PNPLA7: variants seen among roughly 807,000 people sequenced by gnomAD.
The protein encoded by PNPLA7 is patatin-like phospholipase domain-containing protein 7.
PNPLA7 carries 153 observed loss-of-function variants against 161.7 expected under a neutral mutation model. That is an observed-to-expected ratio of 0.95 (90% CI 0.83 to 1.08). The LOEUF is 1.08. Ranked by LOEUF, PNPLA7 falls within the 50% of genes least tolerant of loss-of-function variation. The probability of loss-of-function intolerance (pLI) is 0.00; values close to 1 mark genes in which losing one functional copy is unlikely to be tolerated. For missense variants in PNPLA7, 1,739 were observed against 1,856.6 expected (o/e 0.94, Z 1.16); for synonymous variants, 809 against 782.1 (o/e 1.03, Z -0.57).
Position 137,497,298 on chromosome 9 carries a change from C to T in PNPLA7, c.1902G>A (p.Lys634=). ...AGRAIYRQGD[K]SDCTYIMLSG... ...TGAGCATGATGTACGTGCAGTCGGA[C>T]TTGTCCCCCTGCCTGCGGAAGACAC... Residue 634 remains lysine, a synonymous_variant, in exon 18 of 35, where the codon AAG becomes AAA. Transcript: ENST00000406427. 6.4e-7 allele frequency: 1 copy of T among 1,571,742 alleles called. No homozygotes were observed. Among genetic ancestry groups the T allele is most frequent in the Non-Finnish European group, 8.6e-7 (1 of 1,159,428 alleles).
In PNPLA7 at chr9:137,500,758, G is replaced by A. The variant is rs776617458; in HGVS notation, c.1690C>T (p.Leu564Phe). ...CTGTTGGCCTTGACGGTGAAGATGA[G>A]AGGCTCCCCGGTGAGCACGGCCAGC... ...GQLAVLTGEP[L>F]IFTVKANRDC... Residue 564 changes from leucine (L) to phenylalanine (F), a missense_variant, in exon 16 of 35, where the codon CTC (leucine) becomes TTC (phenylalanine). Coordinates refer to ENST00000406427, the MANE Select transcript of PNPLA7 (RefSeq NM_001098537.3). The surrounding 1 kb of genome is among the most constrained non-coding windows in gnomAD (Gnocchi z 5.5). The A allele has an allele frequency of 4.3e-6, 7 of 1,612,288 alleles. No individual in the cohort carries two copies. The African/African-American group carries it at 9.3e-5, about 22-fold the overall frequency.
Position 137,524,324 on chromosome 9 carries a change from C to T in PNPLA7, c.748-1467G>A, listed in dbSNP as rs1588679809. Among the ~76,000 whole-genome samples the T allele has an allele frequency of 6.6e-6, 1 of 151,926 alleles. No individual in the cohort carries two copies. The highest frequency in any genetic ancestry group is 1.5e-5 in the Non-Finnish European group (1 of 67,924). On this transcript the variant is annotated intron_variant, in intron 8 of 34. Coordinates refer to ENST00000406427, the MANE Select transcript of PNPLA7 (RefSeq NM_001098537.3). The surrounding 1 kb of genome is among the most constrained non-coding windows in gnomAD (Gnocchi z 4.4). ...TCTCGTGGAGGCCTCGCAGGGTCTCCGTCCATTCAGCAGTCGAGATTCCCC... is the reference window on the plus strand; with the variant it reads ...TCTCGTGGAGGCCTCGCAGGGTCTCTGTCCATTCAGCAGTCGAGATTCCCC...
intron 8 of PNPLA7, among the ~76,000 whole-genome samples, chr9:137,534,241 A>G (rs1159531237): frequency 7.1e-6 from 1 of 140,192 alleles, no homozygotes; most frequent in Non-Finnish European, 1.5e-5. Context: ...AACACTGTCC[A>G]CTCCAGGCGG....
At position 137,461,586 on chromosome 9, in the gene PNPLA7, A is replaced by G; in HGVS notation, c.3791T>C (p.Leu1264Pro). 1 of 1,612,822 alleles carries G rather than the reference A, an allele frequency of 6.2e-7. No individual in the cohort carries two copies. The highest frequency in any genetic ancestry group is 2.2e-5 in the East Asian group (1 of 44,856). Residue 1264 changes from leucine (L) to proline (P), a missense_variant, in exon 33 of 35, where the codon CTT becomes CCT. Physicochemically the swap from Leu to Pro is moderately conservative, Grantham distance 98 (BLOSUM62 -3). Around this residue, in one of 6 missense-constraint regions of PNPLA7, gnomAD observed 703 missense variants for 694.6 expected, o/e 1.01. Transcript: ENST00000406427. ...CTCAATGCGAGACACAATTTCGGCA[A>G]GGTCCGTGAAGGAGGCGTTGGGACA... Reference protein sequence around the residue: ...LTCPNASFTDLAEIVSRIEPA... With the variant: ...LTCPNASFTDPAEIVSRIEPA...
rs763439872 is a variant in PNPLA7 at position 137,497,266 on chromosome 9, C to T, written c.1934G>A (p.Arg645Gln). The change falls in exon 18 of 35, where the codon CGG (arginine) becomes CAG (glutamine). Residue 645 changes from arginine (R) to glutamine (Q), a missense_variant. Physicochemically the swap from Arg to Gln is conservative, Grantham distance 43 (BLOSUM62 1). Transcript: ENST00000406427. ...SDCTYIMLSGRLRSVIRKDDG... is the reference protein window; with the variant it reads ...SDCTYIMLSGQLRSVIRKDDG... ...ATCCTTCCGGATCACAGAGCGCAGC[C>T]GGCCGCTGAGCATGATGTACGTGCA... The T allele has an allele frequency of 7.6e-6, 12 of 1,588,838 alleles. No homozygotes were observed. Among genetic ancestry groups the T allele is most frequent in the Non-Finnish European group, 1.0e-5 (12 of 1,168,400 alleles).
chr9:137,484,473 C>G (rs11999929), intron 21 of PNPLA7, 114 bp downstream of exon 21: 10 of 1,235,990 alleles, frequency 8.1e-6, no homozygotes, highest in Non-Finnish European at 1.1e-5. Flanking sequence ...CTGACCCCAA[C>G]TGAGCCCTGC....
intron 14 of PNPLA7, among the ~76,000 whole-genome samples, chr9:137,503,624 AGGAGGAG>A (rs1454112902): frequency 2.3e-5 from 3 of 131,084 alleles, no homozygotes; most frequent in African/African-American, 8.6e-5. Context: ...AGGAGGGAGA[AGGAGGAG>A]GGAGAAGGAG....
intron 25 of PNPLA7, among the ~76,000 whole-genome samples, chr9:137,477,164 C>A (rs1170804959): frequency 6.6e-6 from 1 of 152,260 alleles, no homozygotes; most frequent in Non-Finnish European, 1.5e-5. Flanking sequence ...CTGCCCCTTA[C>A]GCACCTGGCT....
Position 137,467,558 on chromosome 9 carries a change from C to T in PNPLA7, c.2883-85G>A. 1 of 1,506,302 alleles carries T rather than the reference C, an allele frequency of 6.6e-7. No individual in the cohort carries two copies. The highest frequency in any genetic ancestry group is 9.0e-7 in the Non-Finnish European group (1 of 1,111,730). The allele number at this position is 1,506,302 out of a possible 1,614,324, so 93.3% of individuals were successfully genotyped here. On this transcript the variant is annotated intron_variant, in intron 25 of 34. Coordinates refer to ENST00000406427, the MANE Select transcript of PNPLA7 (RefSeq NM_001098537.3). The surrounding 1 kb of genome is among the most constrained non-coding windows in gnomAD (Gnocchi z 5.1). ...GAGGCCTTGTGCTCATCCTCAGTTC[C>T]CAACTCCTCCACAGGCAGAGACGCT...
intron 8 of PNPLA7, among the ~76,000 whole-genome samples, chr9:137,528,093 A>G (rs1315032210): frequency 6.6e-6 from 1 of 151,802 alleles, no homozygotes; most frequent in African/African-American, 2.4e-5. Flanking sequence ...AGACATGTGC[A>G]CTCTTTCATG....
chr9:137,543,756 C>T lies in PNPLA7; in HGVS notation c.333G>A (p.Arg111=). The part of the protein sequence containing the change: ...ENTALPRQRA[R]KRTKVLSLAK... The stretch of plus-strand genomic sequence containing the variant: ...CCAAAGACAGCACCTTGGTCCTCTT[C>T]CTGGCCCGCTGCCGGGGCAGGGCAG... Residue 111 remains arginine (R), a synonymous_variant, in exon 5 of 35, where the codon AGG becomes AGA. Transcript: ENST00000406427. This position sits in a 1 kb window ranked among gnomAD's most constrained non-coding sequence, Gnocchi z 6.9. 1.2e-6 allele frequency: 2 copies of T among 1,614,134 alleles called. No homozygotes were observed. The highest frequency in any genetic ancestry group is 1.7e-5 in the Admixed American group (1 of 60,028).
chr9:137,516,819 A>G (rs907433952), intron 11 of PNPLA7, among the ~76,000 whole-genome samples: 5 of 150,662 alleles, frequency 3.3e-5, no homozygotes, highest in African/African-American at 9.8e-5. Context: ...CCCTGTCTCA[A>G]TAGTAATAAT....
At position 137,503,499 on chromosome 9, in the gene PNPLA7, GGGAAGGAGAAGGAGGAGGA is replaced by G. The variant is rs1368540600; in HGVS notation, c.1474-1791_1474-1773del. On this transcript the variant is annotated intron_variant, in intron 14 of 34. Transcript: ENST00000406427. ...AGGAGGGGGAAGGAGAAGGAGGAGG[GGGAAGGAGAAGGAGGAGGA>G]GGAAGGAGAAGGAGGAGGGGGAAGG... 8.7e-3 allele frequency among the ~76,000 whole-genome samples: 741 copies of G among 84,894 alleles called. 12 individuals are homozygous for G. The highest frequency in any genetic ancestry group is 0.018 in the Middle Eastern group (2 of 112). 55.7% of individuals were successfully genotyped at this position (84,894 alleles called of 152,430 possible).
chr9:137,467,596 G>A lies in PNPLA7; in HGVS notation c.2883-123C>T, dbSNP rs1207747624. 2.3e-6 allele frequency: 3 copies of A among 1,282,660 alleles called. No homozygotes were observed. The Admixed American group carries it at 7.4e-5, about 32-fold the overall frequency. 79.5% of individuals were successfully genotyped at this position (1,282,660 alleles called of 1,614,324 possible). A position where few individuals can be genotyped will look rare whatever the true frequency, so the allele number is the denominator to read the frequency against. ...AGGCAGAGACGCTGACGCAGAGAGG[G>A]ACTCCAGATGCAGTTTAAAACCCCT... On this transcript the variant is annotated intron_variant, in intron 25 of 34. Coordinates refer to ENST00000406427, the MANE Select transcript of PNPLA7 (RefSeq NM_001098537.3). This position sits in a 1 kb window ranked among gnomAD's most constrained non-coding sequence, Gnocchi z 5.1.
chr9:137,461,094 G>A (rs754048585), intron 33 of PNPLA7: 35 of 345,048 alleles, frequency 1.0e-4, no homozygotes, highest in African/African-American at 2.5e-4. Flanking sequence ...CCATGAAGAC[G>A]TCTCCCAGGA....
chr9:137,494,374 C>T (rs1458652926), intron 19 of PNPLA7, among the ~76,000 whole-genome samples: 1 of 152,150 alleles, frequency 6.6e-6, no homozygotes, highest in African/African-American at 2.4e-5. Context: ...TGGGAAGCAG[C>T]CTGGGCGCCT....
chr9:137,505,730 G>T lies in PNPLA7; in HGVS notation c.1357C>A (p.Pro453Thr), dbSNP rs1024741032. 2 of 1,613,976 alleles carry T rather than the reference G, an allele frequency of 1.2e-6. No individual in the cohort carries two copies. Among genetic ancestry groups the T allele is most frequent in the African/African-American group, 1.3e-5 (1 of 74,934 alleles). ...SRKSVMVAEI[P>T]STVSQHSESH... is the part of the protein sequence containing the mutation. ...TCTGAGTGCTGGGAGACCGTGGAGG[G>T]TATCTCTGCAACCATCACGCTTTTC... is the stretch of plus-strand genomic sequence containing the variant. The change falls in exon 14 of 35, where the codon CCC becomes ACC. Residue 453 changes from proline to threonine, a missense_variant. Physicochemically the swap from Pro to Thr is conservative, Grantham distance 38. Transcript: ENST00000406427.
Position 137,522,872 on chromosome 9 carries a change from C to T in PNPLA7, c.748-15G>A, listed in dbSNP as rs970211830. On this transcript the variant is annotated splice_polypyrimidine_tract_variant and intron_variant, in intron 8 of 34. Transcript: ENST00000406427. ...GCAGCATGGCCCTGTAACAACAGCT[C>T]CATCAGTCCCCACTCTGTGGGCCTG... The T allele has an allele frequency of 1.7e-5, 28 of 1,612,464 alleles. No individual in the cohort carries two copies. Among genetic ancestry groups the T allele is most frequent in the Non-Finnish European group, 2.4e-5 (28 of 1,179,426 alleles).
chr9:137,468,957 C>G lies in PNPLA7; in HGVS notation c.2883-1484G>C, dbSNP rs1438871540. 2.0e-5 allele frequency among the ~76,000 whole-genome samples: 3 copies of G among 151,852 alleles called. No individual in the cohort carries two copies. Among genetic ancestry groups the G allele is most frequent in the Admixed American group, 2.0e-4 (3 of 15,230 alleles). ...ATTACTCAGGTATAAGCCTTAAAAA[C>G]AAGTTCAAGTTGGGAGGTGGAGGTT... is the stretch of plus-strand genomic sequence containing the variant. On this transcript the variant is annotated intron_variant, in intron 25 of 34. Transcript: ENST00000406427. The surrounding 1 kb of genome is among the most constrained non-coding windows in gnomAD (Gnocchi z 4.0).
Sources: gnomAD v4.1 joint callset for allele counts (sites outside exome capture counted in the v4.1 genomes callset) on GRCh38, gnomAD v4.1.1 for gene constraint, gnomAD v4.1.1 regional missense constraint, Gnocchi (gnomAD v3.1) non-coding constraint, MANE v1.5 for transcripts, NCBI Gene and HGNC (gene_info 2026-07-23, HGNC 2026-07-21) for gene names.